ARHGAP32: variants seen among roughly 807,000 people sequenced by gnomAD.
ARHGAP32 encodes the protein rho GTPase-activating protein 32.
In ARHGAP32, 51 loss-of-function variants were observed where a neutral mutation model predicts 186.5. The observed-to-expected ratio is 0.27, with a 90% CI of 0.22 to 0.35. ARHGAP32 has a LOEUF of 0.35. ARHGAP32 is among the 10% of genes least tolerant of loss of function. The pLI is 1.00. For missense variants in ARHGAP32, 2,186 were observed against 2,623.5 expected (o/e 0.83, Z 3.64); for synonymous variants, 950 against 964.3 (o/e 0.99, Z 0.27).
At position 129,151,558 on chromosome 11, in the gene ARHGAP32, G is replaced by A. The variant is rs184142147; in HGVS notation, c.225+12761C>T. On this transcript the variant is annotated intron_variant, in intron 2 of 22. Coordinates refer to ENST00000682385, the MANE Select transcript of ARHGAP32 (RefSeq NM_001378024.1). The stretch of plus-strand genomic sequence containing the variant: ...GTAAAACAAAGCTGGAAATTAACTC[G>A]AAAAGGAACACCCAAAACTGTAAAA... Among the ~76,000 whole-genome samples, 33 of 152,072 alleles carry A rather than the reference G, an allele frequency of 2.2e-4. No homozygotes were observed. In the East Asian group the frequency reaches 4.8e-3, roughly 22 times the overall value.
intron 12 of ARHGAP32, among the ~76,000 whole-genome samples, chr11:128,991,958 T>A (rs2134692418): frequency 6.6e-6 from 1 of 152,252 alleles, no homozygotes; most frequent in East Asian, 1.9e-4. Flanking sequence ...ATGTATTTAT[T>A]AAGTCTCTTC....
At chr11:129,050,963 ACATGAACC>A (rs1222037168) in intron 10 of ARHGAP32, among the ~76,000 whole-genome samples, 1 of 152,212 alleles carries the variant, frequency 6.6e-6, no homozygotes, top group African/African-American at 2.4e-5. Flanking sequence ...CCTGCAAAGG[ACATGAACC>A]CATCCTTTTT....
In ARHGAP32 at chr11:128,972,665, T is replaced by C. The variant is rs767207646; in HGVS notation, c.3841A>G (p.Thr1281Ala). 20 of 1,613,670 alleles carry C rather than the reference T, an allele frequency of 1.2e-5. 1 individual carries two copies. The highest frequency in any genetic ancestry group is 3.3e-4 in the Middle Eastern group (2 of 6,060). The change falls in exon 22 of 23, where the codon ACT becomes GCT. Residue 1281 changes from threonine (T) to alanine (A), a missense_variant. Physicochemically the swap from Thr to Ala is moderately conservative, Grantham distance 58 (BLOSUM62 0). This residue lies in a region of ARHGAP32 where 1,502 missense variants were observed against 1,570.0 expected (regional missense o/e 0.96). Transcript: ENST00000682385. ...GTGCTCATTTGGGCTGTTGCTGGAG[T>C]AGTTGTCATGTAAGTCATGGTGGCT... ...STATMTYMTT[T>A]PATAQMSTKE...
chr11:129,222,677 T>TTTTTAGTACTCTTTAAGTGCAAC (rs1944727554), intron 1 of ARHGAP32, among the ~76,000 whole-genome samples: 1 of 152,198 alleles, frequency 6.6e-6, no homozygotes, highest in Non-Finnish European at 1.5e-5. Context: ...CACAACCTAC[T>TTTTTAGTACTCTTTAAGTGCAAC]TTTTAGTACT....
intron 1 of ARHGAP32, among the ~76,000 whole-genome samples, chr11:129,250,517 T>C (rs6590371): frequency 0.019 from 2,953 of 152,278 alleles, 52 homozygotes; most frequent in African/African-American, 0.041. Flanking sequence ...AAAAAATTAA[T>C]CAGGTTGAAT....
At chr11:129,169,075 A>G (rs375412780) in intron 1 of ARHGAP32, among the ~76,000 whole-genome samples, 1 of 152,236 alleles carries the variant, frequency 6.6e-6, no homozygotes, top group East Asian at 1.9e-4. Flanking sequence ...TTGAAAAATT[A>G]CTACTTCTAA....
chr11:129,105,443 G>C (rs891669287), intron 5 of ARHGAP32, among the ~76,000 whole-genome samples: 3 of 152,114 alleles, frequency 2.0e-5, no homozygotes, highest in African/African-American at 7.2e-5. Flanking sequence ...CAGTACAGAA[G>C]CAACACGTAA....
At chr11:129,192,673 A>G (rs1003691892), upstream of ARHGAP32, among the ~76,000 whole-genome samples, 8 of 152,152 alleles carry the variant, frequency 5.3e-5, no homozygotes, top group Non-Finnish European at 1.2e-4. Context: ...CTCACAGTTA[A>G]GGAGGCTCAC....
chr11:129,031,593 T>G (rs543546342), intron 11 of ARHGAP32, among the ~76,000 whole-genome samples: 2 of 152,266 alleles, frequency 1.3e-5, no homozygotes, highest in African/African-American at 4.8e-5. Flanking sequence ...TAACAGGAGA[T>G]TACAATCTAT....
At chr11:129,141,080 A>G (rs1378463254) in intron 2 of ARHGAP32, among the ~76,000 whole-genome samples, 1 of 152,206 alleles carries the variant, frequency 6.6e-6, no homozygotes, top group African/African-American at 2.4e-5. Context: ...CACCTTAATA[A>G]TCAGGTAGAA....
intron 6 of ARHGAP32, among the ~76,000 whole-genome samples, chr11:129,073,751 C>CA (rs138968518): frequency 0.2 from 28,178 of 140,400 alleles, 3,376 homozygotes; most frequent in African/African-American, 0.35. Flanking sequence ...TCACCCTCCT[C>CA]AAAAAAAAAA....
At chr11:129,134,999 T>A (rs972130159) in intron 2 of ARHGAP32, among the ~76,000 whole-genome samples, 3 of 152,164 alleles carry the variant, frequency 2.0e-5, no homozygotes, top group Admixed American at 6.5e-5. Context: ...CCAGAACACA[T>A]TGAGACAGAA....
At chr11:129,237,614 G>A (rs1329404363) in intron 1 of ARHGAP32, among the ~76,000 whole-genome samples, 1 of 152,118 alleles carries the variant, frequency 6.6e-6, no homozygotes, top group Non-Finnish European at 1.5e-5. Flanking sequence ...GTGGATCTAG[G>A]CAGATGGGTG....
At chr11:129,229,880 C>T (rs961626745) in intron 1 of ARHGAP32, among the ~76,000 whole-genome samples, 4 of 151,990 alleles carry the variant, frequency 2.6e-5, no homozygotes, top group African/African-American at 4.8e-5. Flanking sequence ...TAGAGTGGCG[C>T]GATCCCCTCA....
At chr11:129,027,318 AC>A (rs1281945942) in intron 11 of ARHGAP32, among the ~76,000 whole-genome samples, 2 of 152,054 alleles carry the variant, frequency 1.3e-5, no homozygotes, top group Non-Finnish European at 2.9e-5. Flanking sequence ...TCCTCTTAAC[AC>A]AGCAAGCAAA....
At chr11:129,077,286 T>C (rs1391998793) in intron 6 of ARHGAP32, among the ~76,000 whole-genome samples, 2 of 151,948 alleles carry the variant, frequency 1.3e-5, no homozygotes, top group African/African-American at 4.8e-5. Context: ...AGAATCCAGG[T>C]TGGGTTGGGA....
chr11:129,060,629 A>C (rs1940462384), intron 10 of ARHGAP32, among the ~76,000 whole-genome samples: 1 of 152,134 alleles, frequency 6.6e-6, no homozygotes, highest in Admixed American at 6.5e-5. Context: ...GCACAGATGG[A>C]GGGGGATCCC....
intron 11 of ARHGAP32, among the ~76,000 whole-genome samples, chr11:129,028,685 C>T (rs1193546619): frequency 6.6e-6 from 1 of 152,142 alleles, no homozygotes; most frequent in Non-Finnish European, 1.5e-5. Flanking sequence ...GAAGAAAGTA[C>T]AATTTAGTGA....
At chr11:129,201,871 T>C (rs2197140) in intron 1 of ARHGAP32, among the ~76,000 whole-genome samples, 19,175 of 152,048 alleles carry the variant, frequency 0.13, 1,366 homozygotes, top group Non-Finnish European at 0.16. Context: ...TAGACCCAGC[T>C]ACTCAGGAAG....
Sources: gnomAD v4.1 joint callset for allele counts (sites outside exome capture counted in the v4.1 genomes callset) on GRCh38, gnomAD v4.1.1 for gene constraint, gnomAD v4.1.1 regional missense constraint, MANE v1.5 for transcripts, NCBI Gene and HGNC (gene_info 2026-07-23, HGNC 2026-07-21) for gene names.